PCDHGA12: variants seen among roughly 807,000 people sequenced by gnomAD.
The protein encoded by PCDHGA12 is protocadherin gamma subfamily A, 12.
Under a neutral mutation model 61.1 loss-of-function variants are expected in PCDHGA12, and 43 were observed. The ratio of observed to expected loss-of-function variants is 0.70; its 90% CI spans 0.55 to 0.91. The LOEUF is 0.91. Ranked by LOEUF, PCDHGA12 falls within the 40% of genes least tolerant of loss-of-function variation. PCDHGA12 has a pLI of 0.00. For synonymous variants in PCDHGA12, 520 were observed against 542.9 expected (o/e 0.96, Z 0.59); for missense variants, 1,236 against 1,227.7 (o/e 1.01, Z -0.10).
chr5:141,438,063 A>T (rs540817874), intron 1 of PCDHGA12, among the ~76,000 whole-genome samples: 1 of 152,106 alleles, frequency 6.6e-6, no homozygotes, highest in Non-Finnish European at 1.5e-5. Context: ...CTTTTAAGAA[A>T]CCATACTTAA....
chr5:141,509,059 C>T (rs1313349089), intron 3 of PCDHGA12, among the ~76,000 whole-genome samples: 2 of 152,182 alleles, frequency 1.3e-5, no homozygotes, highest in Non-Finnish European at 2.9e-5. Flanking sequence ...CCAGAAAGCT[C>T]TCAGCTCCGG....
chr5:141,459,529 G>A (rs1201996126), intron 1 of PCDHGA12, among the ~76,000 whole-genome samples: 2 of 152,134 alleles, frequency 1.3e-5, no homozygotes, highest in African/African-American at 2.4e-5. Context: ...ATTTTTGTAG[G>A]CATATTTTTT....
intron 2 of PCDHGA12, 147 bp from the exon 3 acceptor site, chr5:141,505,246 G>A (rs2099844792): frequency 2.1e-6 from 3 of 1,436,556 alleles, no homozygotes; most frequent in African/African-American, 1.4e-5. Flanking sequence ...AAGGATTGTA[G>A]AAGTGCCTCC....
chr5:141,457,574 T>C (rs992522039), intron 1 of PCDHGA12, among the ~76,000 whole-genome samples: 2 of 152,238 alleles, frequency 1.3e-5, no homozygotes, highest in Non-Finnish European at 2.9e-5. Context: ...AAAATTTTTC[T>C]CTCCAGTCCT....
Position 141,432,331 on chromosome 5 carries a change from G to A in PCDHGA12, c.1572G>A (p.Gln524=), listed in dbSNP as rs763952193. ...LYALSSFDYE[Q]FRDLQVKVMA... Reference sequence around the variant, plus strand: ...CGCTGAGCTCCTTCGACTACGAGCAGTTCCGAGACTTGCAAGTGAAAGTGA... The same window carrying A: ...CGCTGAGCTCCTTCGACTACGAGCAATTCCGAGACTTGCAAGTGAAAGTGA... Residue 524 remains glutamine, a synonymous_variant, in exon 1 of 4, where the codon CAG becomes CAA. Transcript: ENST00000252085. The surrounding 1 kb of genome is among the most constrained non-coding windows in gnomAD (Gnocchi z 6.0). The A allele has an allele frequency of 1.2e-6, 2 of 1,614,278 alleles. No individual in the cohort carries two copies. Among genetic ancestry groups the A allele is most frequent in the East Asian group, 2.2e-5 (1 of 44,888 alleles).
chr5:141,453,620 A>G (rs2098770145), intron 1 of PCDHGA12, among the ~76,000 whole-genome samples: 1 of 152,196 alleles, frequency 6.6e-6, no homozygotes. Context: ...CAAAAACAAA[A>G]CCTATACATA....
At chr5:141,505,261 T>C in intron 2 of PCDHGA12, 132 bp from the exon 3 acceptor site, 1 of 1,505,282 alleles carries the variant, frequency 6.6e-7, no homozygotes. Context: ...GCCTCCTACC[T>C]TGCTGAGAGA....
Position 141,489,398 on chromosome 5 carries a change from G to A in PCDHGA12, c.2425-5409G>A, listed in dbSNP as rs2099686644. On this transcript the variant is annotated intron_variant, in intron 1 of 3. Transcript: ENST00000252085. This position sits in a 1 kb window ranked among gnomAD's most constrained non-coding sequence, Gnocchi z 4.5. The stretch of plus-strand genomic sequence containing the variant: ...GTGGGGAATGTTGCTCAGGATCTGG[G>A]CTTAAAGATGACAGATCTGTTGAGC... 6.2e-7 allele frequency: 1 copy of A among 1,614,064 alleles called. No homozygotes were observed. The highest frequency in any genetic ancestry group is 1.3e-5 in the African/African-American group (1 of 74,910).
chr5:141,465,893 C>A (rs926928579), intron 1 of PCDHGA12, among the ~76,000 whole-genome samples: 1 of 151,962 alleles, frequency 6.6e-6, no homozygotes, highest in Non-Finnish European at 1.5e-5. Context: ...GAGGCCGAGG[C>A]GGGCAAATCA....
At position 141,487,621 on chromosome 5, in the gene PCDHGA12, A is replaced by G; in HGVS notation, c.2425-7186A>G. The G allele has an allele frequency of 6.2e-7, 1 of 1,614,164 alleles. No individual in the cohort carries two copies. On this transcript the variant is annotated intron_variant, in intron 1 of 3. Transcript: ENST00000252085. This position sits in a 1 kb window ranked among gnomAD's most constrained non-coding sequence, Gnocchi z 5.0. ...ATCTTCTCTATGGGCTAGAGGTGAG[A>G]CCTTTGCAGGCTCAACAAATGCTTG... is the stretch of plus-strand genomic sequence containing the variant.
At chr5:141,467,103 AGTACAATG>A (rs1438695307) in intron 1 of PCDHGA12, among the ~76,000 whole-genome samples, 1 of 147,462 alleles carries the variant, frequency 6.8e-6, no homozygotes, top group East Asian at 2.0e-4. Flanking sequence ...CACAGGCTGG[AGTACAATG>A]GTGCAATCTC....
chr5:141,458,888 T>C (rs756640295), intron 1 of PCDHGA12, among the ~76,000 whole-genome samples: 3 of 152,118 alleles, frequency 2.0e-5, no homozygotes, highest in Non-Finnish European at 2.9e-5. Flanking sequence ...ATGCACACCA[T>C]GCGCAGCTAA....
At position 141,472,368 on chromosome 5, in the gene PCDHGA12, C is replaced by T. The variant is rs555805048; in HGVS notation, c.2425-22439C>T. ...CATCCTGGCTAACACGGTGAAACCC[C>T]GTCTCCACTAAAAATAGAAAAAATT... is the stretch of plus-strand genomic sequence containing the variant. On this transcript the variant is annotated intron_variant, in intron 1 of 3. Transcript: ENST00000252085. Among the ~76,000 whole-genome samples, 214 of 152,012 alleles carry T rather than the reference C, an allele frequency of 1.4e-3. 1 individual carries two copies. The highest frequency in any genetic ancestry group is 4.8e-3 in the African/African-American group (199 of 41,452).
chr5:141,490,589 A>G lies in PCDHGA12; in HGVS notation c.2425-4218A>G, dbSNP rs761250654. On this transcript the variant is annotated intron_variant, in intron 1 of 3. Transcript: ENST00000252085. The surrounding 1 kb of genome is among the most constrained non-coding windows in gnomAD (Gnocchi z 5.4). ...CTCAACATTTCAGATGTCAATGACA[A>G]TGCACCCCGCTTCAACCAGCAGCTT... The G allele has an allele frequency of 5.7e-5, 92 of 1,614,042 alleles. No individual in the cohort carries two copies. Among genetic ancestry groups the G allele is most frequent in the Non-Finnish European group, 7.6e-5 (90 of 1,180,036 alleles).
In PCDHGA12 at chr5:141,433,056, G is replaced by A. The variant is rs1422450948; in HGVS notation, c.2297G>A (p.Ser766Asn). 1 of 1,614,204 alleles carries A rather than the reference G, an allele frequency of 6.2e-7. No homozygotes were observed. The highest frequency in any genetic ancestry group is 1.1e-5 in the South Asian group (1 of 91,078). ...TCCCTCACCACGGACTCGCGGAAGA[G>A]TCACCTGATCTTCCCCCAGCCCAAC... The part of the protein sequence containing the change: ...EVSLTTDSRK[S>N]HLIFPQPNYA... The change falls in exon 1 of 4, where the codon AGT becomes AAT. Residue 766 changes from serine (S) to asparagine (N), a missense_variant. By Grantham distance (46) the Ser-to-Asn change is conservative. Transcript: ENST00000252085.
chr5:141,451,330 T>C (rs1335156581), intron 1 of PCDHGA12, among the ~76,000 whole-genome samples: 2 of 152,200 alleles, frequency 1.3e-5, no homozygotes, highest in East Asian at 1.9e-4. Context: ...CCTAAGGCTA[T>C]TGTCTTATCT....
rs1002764667 is a variant in PCDHGA12, at chr5:141,468,260, G to A, written c.2425-26547G>A. 4.0e-5 allele frequency among the ~76,000 whole-genome samples: 6 copies of A among 150,102 alleles called. No homozygotes were observed. The East Asian group carries it at 1.2e-3, about 30-fold the overall frequency. ...GAATTGCCTGAACCTGGGAGGCAGA[G>A]GTTGTGGTGAGCCGAGACCACGCCA... On this transcript the variant is annotated intron_variant, in intron 1 of 3. Coordinates refer to ENST00000252085, the MANE Select transcript of PCDHGA12 (RefSeq NM_003735.3).
Position 141,443,253 on chromosome 5 carries a change from G to A in PCDHGA12, c.2424+10070G>A, listed in dbSNP as rs192939862. 1.8e-4 allele frequency among the ~76,000 whole-genome samples: 28 copies of A among 152,214 alleles called. No individual in the cohort carries two copies. The Middle Eastern group carries it at 0.014, about 74-fold the overall frequency. On this transcript the variant is annotated intron_variant, in intron 1 of 3. Transcript: ENST00000252085. Reference sequence around the variant, plus strand: ...CTTAGCACTTTGGGGCGCCAAGGCGGGTGGATCACTTGAGCCCAGGAGTTT... The same window carrying A: ...CTTAGCACTTTGGGGCGCCAAGGCGAGTGGATCACTTGAGCCCAGGAGTTT...
intron 1 of PCDHGA12, among the ~76,000 whole-genome samples, chr5:141,465,907 G>C (rs1367648934): frequency 6.6e-6 from 1 of 152,056 alleles, no homozygotes; most frequent in East Asian, 1.9e-4. Flanking sequence ...CAAATCACGA[G>C]GTCAGGATTT....
Sources: allele counts gnomAD v4.1 joint callset (sites outside exome capture counted in the v4.1 genomes callset), GRCh38; gene constraint gnomAD v4.1.1; non-coding constraint Gnocchi (gnomAD v3.1); transcripts MANE v1.5; gene names NCBI Gene and HGNC (gene_info 2026-07-23, HGNC 2026-07-21).